Variants in PRKCE observed in about 807,000 individuals in gnomAD.
PRKCE encodes the protein protein kinase C epsilon, also known as protein kinase C epsilon type.
Under a neutral mutation model 85.4 loss-of-function variants are expected in PRKCE, and 16 were observed. The observed-to-expected ratio is 0.19, with a 90% confidence interval of 0.13 to 0.28. PRKCE has a LOEUF of 0.28. Among genes scored for constraint, PRKCE ranks in the 10% least tolerant of loss-of-function variants. The pLI, the probability that PRKCE is intolerant of heterozygous loss-of-function variation, is 1.00. For synonymous variants in PRKCE, 388 were observed against 371.5 expected (o/e 1.04, Z -0.51); for missense variants, 573 against 975.2 (o/e 0.59, Z 5.49).
At chr2:45,740,147 C>CAAAAAAAA in intron 1 of PRKCE, among the ~76,000 whole-genome samples, 1 of 135,742 alleles carries the variant, frequency 7.4e-6, no homozygotes. Flanking sequence ...GACCCCATCT[C>CAAAAAAAA]AAAAAAAAAA....
chr2:45,964,511 G>A (rs934498456), intron 2 of PRKCE, among the ~76,000 whole-genome samples: 9 of 152,212 alleles, frequency 5.9e-5, no homozygotes, highest in African/African-American at 2.2e-4. Flanking sequence ...GAGGCTTTTT[G>A]CTCTGTGGTT....
intron 2 of PRKCE, among the ~76,000 whole-genome samples, chr2:45,908,861 T>C (rs1269426426): frequency 6.6e-6 from 1 of 152,116 alleles, no homozygotes; most frequent in Admixed American, 6.5e-5. Flanking sequence ...AGACAGGCTG[T>C]ACAGTGGGCA....
At chr2:45,705,967 G>T (rs1365403316) in intron 1 of PRKCE, among the ~76,000 whole-genome samples, 1 of 152,150 alleles carries the variant, frequency 6.6e-6, no homozygotes, top group East Asian at 1.9e-4. Context: ...ATCTGCTTCG[G>T]AGCTCTGTGT....
intron 2 of PRKCE, among the ~76,000 whole-genome samples, chr2:45,976,153 A>G (rs1702438299): frequency 6.6e-6 from 1 of 152,154 alleles, no homozygotes; most frequent in Non-Finnish European, 1.5e-5. Context: ...GTGGGGAGGA[A>G]AGGGCAGCCA....
At chr2:45,738,070 A>G (rs1428761826) in intron 1 of PRKCE, among the ~76,000 whole-genome samples, 1 of 151,952 alleles carries the variant, frequency 6.6e-6, no homozygotes, top group Non-Finnish European at 1.5e-5. Flanking sequence ...GGCGACGCAA[A>G]CCTTTTGTCT....
intron 1 of PRKCE, among the ~76,000 whole-genome samples, chr2:45,713,327 A>G (rs769976260): frequency 5.3e-5 from 8 of 152,066 alleles, no homozygotes; most frequent in Non-Finnish European, 1.2e-4. Flanking sequence ...GTGGCTAATA[A>G]TGTGTATTTT....
chr2:45,683,270 A>C (rs1432296927), intron 1 of PRKCE, among the ~76,000 whole-genome samples: 1 of 152,206 alleles, frequency 6.6e-6, no homozygotes, highest in Non-Finnish European at 1.5e-5. Flanking sequence ...AGGGCAGGCT[A>C]GCTGAGTTTT....
In PRKCE at chr2:45,848,377, CT is replaced by C. The variant is rs1029488236; in HGVS notation, c.412+5315del. On this transcript the variant is annotated intron_variant, in intron 2 of 14. Transcript: ENST00000306156. ...CCAGGCTGGAGTGTGGCAGCAGGAT[CT>C]CGGCTTACTGCAACCTTTGCCTCCT... Among the ~76,000 whole-genome samples the C allele has an allele frequency of 6.6e-5, 10 of 151,916 alleles. 1 individual carries two copies. The highest frequency in any genetic ancestry group is 2.4e-4 in the African/African-American group (10 of 41,416).
intron 11 of PRKCE, 59 bp downstream of exon 11, chr2:46,086,421 A>C: frequency 6.5e-7 from 1 of 1,549,430 alleles, no homozygotes; most frequent in Non-Finnish European, 8.7e-7. Context: ...TGCTTCAGAC[A>C]CTTGAACTGA....
chr2:45,835,870 C>T (rs10202567), intron 1 of PRKCE, among the ~76,000 whole-genome samples: 69,698 of 151,980 alleles, frequency 0.46, 16,162 homozygotes, highest in Middle Eastern at 0.56. Flanking sequence ...GTTGGGATTA[C>T]AGGGGTGAGC....
intron 1 of PRKCE, among the ~76,000 whole-genome samples, chr2:45,680,922 G>C (rs1337696035): frequency 6.6e-6 from 1 of 152,142 alleles, no homozygotes; most frequent in Non-Finnish European, 1.5e-5. Flanking sequence ...CAGGCCACCA[G>C]ACCCTGTGTT....
At chr2:46,010,253 A>G (rs1705550757) in intron 9 of PRKCE, 91 bp from the exon 10 acceptor site, 1 of 1,341,704 alleles carries the variant, frequency 7.5e-7, no homozygotes, top group South Asian at 1.7e-5. Context: ...GAAAAAACAG[A>G]ATTCGTTTTT....
At position 46,060,880 on chromosome 2, in the gene PRKCE, G is replaced by A. The variant is rs142742254; in HGVS notation, c.1438-25328G>A. On this transcript the variant is annotated intron_variant, in intron 10 of 14. Coordinates refer to ENST00000306156, the MANE Select transcript of PRKCE (RefSeq NM_005400.3). ...AGGTTCAAGTGATTCTCCTGCCTCA[G>A]CCTCCTGAGTAGCTGGGACCGCAGG... is the stretch of plus-strand genomic sequence containing the variant. Among the ~76,000 whole-genome samples, 174 of 151,808 alleles carry A rather than the reference G, an allele frequency of 1.1e-3. 1 individual carries two copies. Among genetic ancestry groups the A allele is most frequent in the African/African-American group, 3.9e-3 (160 of 41,422 alleles).
intron 8 of PRKCE, among the ~76,000 whole-genome samples, chr2:46,006,818 G>A (rs1398960849): frequency 6.6e-6 from 1 of 152,216 alleles, no homozygotes; most frequent in African/African-American, 2.4e-5. Context: ...CGCCCCATTG[G>A]AGATAAGTTT....
intron 1 of PRKCE, among the ~76,000 whole-genome samples, chr2:45,775,927 T>C (rs913028906): frequency 6.6e-6 from 1 of 152,204 alleles, no homozygotes; most frequent in Non-Finnish European, 1.5e-5. Context: ...AGGCATCCCC[T>C]TGTTGTCTTG....
At chr2:45,995,617 T>C (rs1038390697) in intron 6 of PRKCE, among the ~76,000 whole-genome samples, 6 of 152,206 alleles carry the variant, frequency 3.9e-5, no homozygotes, top group African/African-American at 1.4e-4. Context: ...CTCCATTTTA[T>C]TGCCTTTGCT....
intron 10 of PRKCE, among the ~76,000 whole-genome samples, chr2:46,029,734 T>A (rs969099163): frequency 6.6e-6 from 1 of 151,642 alleles, no homozygotes; most frequent in Non-Finnish European, 1.5e-5. Context: ...GGCTGACTCC[T>A]GAGCCTTAAA....
At chr2:46,046,635 T>A (rs1038173581) in intron 10 of PRKCE, among the ~76,000 whole-genome samples, 1 of 152,230 alleles carries the variant, frequency 6.6e-6, no homozygotes, top group Admixed American at 6.5e-5. Flanking sequence ...GGGTTCTTCC[T>A]GGTAAGAGTT....
chr2:45,878,721 T>A (rs1694659855), intron 2 of PRKCE, among the ~76,000 whole-genome samples: 1 of 152,214 alleles, frequency 6.6e-6, no homozygotes, highest in Non-Finnish European at 1.5e-5. Context: ...TCTCACTTTT[T>A]TAAAACAGCA....
Sources: gnomAD v4.1 joint callset for allele counts (sites outside exome capture counted in the v4.1 genomes callset) on GRCh38, gnomAD v4.1.1 for gene constraint, MANE v1.5 for transcripts, NCBI Gene and HGNC (gene_info 2026-07-23, HGNC 2026-07-21) for gene names.